Variants in VEZT observed in about 807,000 individuals in gnomAD.
VEZT encodes the protein vezatin.
Under a neutral mutation model 79.9 loss-of-function variants are expected in VEZT, and 39 were observed. The ratio of observed to expected loss-of-function variants is 0.49; its 90% CI spans 0.38 to 0.64. The LOEUF (loss-of-function observed/expected upper bound fraction) is 0.64. VEZT is among the 30% of genes least tolerant of loss of function. The probability of loss-of-function intolerance (pLI) is 0.00; values close to 1 mark genes in which losing one functional copy is unlikely to be tolerated. For missense variants in VEZT, 837 were observed against 893.1 expected (o/e 0.94, Z 0.80); for synonymous variants, 325 against 327.6 (o/e 0.99, Z 0.09).
intron 1 of VEZT, among the ~76,000 whole-genome samples, chr12:95,238,259 T>C (rs2060449545): frequency 6.6e-6 from 1 of 152,202 alleles, no homozygotes; most frequent in South Asian, 2.1e-4. Context: ...CTCAGTTTCC[T>C]CATCTGTAAA....
intron 3 of VEZT, among the ~76,000 whole-genome samples, chr12:95,259,259 G>A (rs1207045732): frequency 2.0e-5 from 3 of 150,010 alleles, no homozygotes; most frequent in Non-Finnish European, 4.4e-5. Flanking sequence ...AAGCTTTCCC[G>A]AAACTTCAGC....
intron 2 of VEZT, among the ~76,000 whole-genome samples, chr12:95,253,492 G>T (rs1459546951): frequency 6.6e-6 from 1 of 152,178 alleles, no homozygotes; most frequent in Non-Finnish European, 1.5e-5. Context: ...CCCCTTTTAA[G>T]AGTGAATGTT....
intron 1 of VEZT, among the ~76,000 whole-genome samples, chr12:95,235,088 T>C (rs1388034022): frequency 1.1e-4 from 17 of 152,058 alleles, no homozygotes; most frequent in Non-Finnish European, 2.2e-4. Flanking sequence ...CCATCCGATT[T>C]CTCAATCTTT....
rs192209766 is a variant in VEZT at position 95,268,551 on chromosome 12, G to C, written c.711-1500G>C. Among the ~76,000 whole-genome samples, 3 of 152,240 alleles carry C rather than the reference G, an allele frequency of 2.0e-5. No homozygotes were observed. In the East Asian group the frequency reaches 5.8e-4, roughly 29 times the overall value. ...TTTATTTTATTGAGAGGACTTACTG[G>C]TTGAACAAAGTGGCTTTGTTCAACT... On this transcript the variant is annotated intron_variant, in intron 5 of 11. Transcript: ENST00000436874.
At chr12:95,287,940 G>T in intron 9 of VEZT, 83 bp downstream of exon 9, 1 of 1,221,758 alleles carries the variant, frequency 8.2e-7, no homozygotes, top group South Asian at 2.1e-5. Flanking sequence ...TAGACTTCTT[G>T]TCTTTATGAT....
intron 3 of VEZT, among the ~76,000 whole-genome samples, chr12:95,261,811 C>A (rs564312806): frequency 1.3e-5 from 2 of 152,294 alleles, no homozygotes; most frequent in African/African-American, 4.8e-5. Flanking sequence ...GATTTGAAAT[C>A]AAAATTCTGG....
chr12:95,222,609 A>C (rs2057792837), intron 1 of VEZT, among the ~76,000 whole-genome samples: 1 of 152,152 alleles, frequency 6.6e-6, no homozygotes, highest in Non-Finnish European at 1.5e-5. Context: ...TTTCTTCAGG[A>C]TTGCCTTTGG....
Position 95,236,416 on chromosome 12 carries a change from A to G in VEZT, c.37-15524A>G, listed in dbSNP as rs190316856. Reference sequence around the variant, plus strand: ...TCGGCATCAGAGGGAGACCGTGGAAAGAGAGGGAGAGGGAGACTGTGGGAA... The same window carrying G: ...TCGGCATCAGAGGGAGACCGTGGAAGGAGAGGGAGAGGGAGACTGTGGGAA... On this transcript the variant is annotated intron_variant, in intron 1 of 11. Transcript: ENST00000436874. Among the ~76,000 whole-genome samples, 42 of 152,242 alleles carry G rather than the reference A, an allele frequency of 2.8e-4. 2 individuals are homozygous for G. Among genetic ancestry groups the G allele is most frequent in the African/African-American group, 9.6e-4 (40 of 41,544 alleles).
intron 1 of VEZT, among the ~76,000 whole-genome samples, chr12:95,244,536 C>T (rs2061468775): frequency 6.6e-6 from 1 of 151,800 alleles, no homozygotes; most frequent in African/African-American, 2.4e-5. Context: ...AAAACAAGTC[C>T]CTACGTTGCA....
intron 9 of VEZT, 137 bp downstream of exon 9, chr12:95,287,994 G>C (rs1363423596): frequency 3.1e-6 from 2 of 643,860 alleles, no homozygotes; most frequent in East Asian, 6.0e-5. Context: ...TTTTAATGTT[G>C]AATTTATATG....
chr12:95,282,028 C>T lies in VEZT; in HGVS notation c.997-285C>T, dbSNP rs556068280. 6.1e-4 allele frequency among the ~76,000 whole-genome samples: 93 copies of T among 151,922 alleles called. 1 individual carries two copies. The highest frequency in any genetic ancestry group is 2.2e-3 in the African/African-American group (90 of 41,442). On this transcript the variant is annotated intron_variant, in intron 7 of 11. Transcript: ENST00000436874. ...TTTTTTTAAATAATGAGTGAAGATT[C>T]ACTTTTACTAAATTATCTCATTCCA...
In VEZT at chr12:95,302,176, C is replaced by T. The variant is rs1426999542; in HGVS notation, c.*1503C>T. ...TTAAATCACTTATTTAGTTTACCGA[C>T]TTCATTTTTCTTTGGATTTAGAAGA... On this transcript the variant is annotated 3_prime_UTR_variant, in exon 12 of 12. Transcript: ENST00000436874. The T allele has an allele frequency of 6.6e-6, 1 of 152,150 alleles. No individual in the cohort carries two copies. The highest frequency in any genetic ancestry group is 2.4e-5 in the African/African-American group (1 of 41,442). 9.4% of individuals were successfully genotyped at this position (152,150 alleles called of 1,614,324 possible). A position where few individuals can be genotyped will look rare whatever the true frequency, so the allele number is the denominator to read the frequency against.
intron 6 of VEZT, among the ~76,000 whole-genome samples, chr12:95,271,201 T>C (rs928772398): frequency 1.1e-4 from 17 of 152,188 alleles, no homozygotes; most frequent in African/African-American, 3.9e-4. Context: ...TATATATATA[T>C]GGAAATTTCA....
chr12:95,282,191 AT>A, intron 7 of VEZT, 121 bp from the exon 8 acceptor site: 1 of 845,578 alleles, frequency 1.2e-6, no homozygotes, highest in Non-Finnish European at 1.8e-6. Flanking sequence ...GTTCGGCTAT[AT>A]TTATTATTTA....
At chr12:95,245,354 A>G (rs1824929574) in intron 1 of VEZT, among the ~76,000 whole-genome samples, 1 of 152,232 alleles carries the variant, frequency 6.6e-6, no homozygotes, top group South Asian at 2.1e-4. Flanking sequence ...AAGGAAGCTG[A>G]AACAGGGAGA....
rs186793890 is a variant in VEZT at position 95,291,526 on chromosome 12, T to C, written c.1523-2746T>C. On this transcript the variant is annotated intron_variant, in intron 9 of 11. Transcript: ENST00000436874. ...TGCCTTGCAGGCCATATGGTGTCTGTTACAACTACTTTACTCTGCTGTTGT... is the reference window on the plus strand; with the variant it reads ...TGCCTTGCAGGCCATATGGTGTCTGCTACAACTACTTTACTCTGCTGTTGT... 5.4e-3 allele frequency among the ~76,000 whole-genome samples: 823 copies of C among 152,332 alleles called. 3 individuals are homozygous for C. The highest frequency in any genetic ancestry group is 0.02 in the Middle Eastern group (6 of 294).
At chr12:95,241,326 C>T (rs79218774) in intron 1 of VEZT, among the ~76,000 whole-genome samples, 17,188 of 152,106 alleles carry the variant, frequency 0.11, 1,270 homozygotes, top group East Asian at 0.16. Context: ...TGTGAGCCAC[C>T]GTGCCTTGCC....
rs1440970736 is a variant in VEZT at position 95,301,327 on chromosome 12, T to C, written c.*654T>C. On this transcript the variant is annotated 3_prime_UTR_variant, in exon 12 of 12. Transcript: ENST00000436874. The stretch of plus-strand genomic sequence containing the variant: ...AAAATATTGTACCATTTTTTAGAAT[T>C]ACACTTTCACCTTTCTTTTTGCAAT... 1 of 152,180 alleles carries C rather than the reference T, an allele frequency of 6.6e-6. No homozygotes were observed. The highest frequency in any genetic ancestry group is 1.5e-5 in the Non-Finnish European group (1 of 68,038). 9.4% of individuals were successfully genotyped at this position (152,180 alleles called of 1,614,324 possible). A position where few individuals can be genotyped will look rare whatever the true frequency, so the allele number is the denominator to read the frequency against.
chr12:95,236,244 A>AACCCCGTCTCC (rs2060160636), intron 1 of VEZT, among the ~76,000 whole-genome samples: 1 of 152,184 alleles, frequency 6.6e-6, no homozygotes, highest in Non-Finnish European at 1.5e-5. Context: ...AACACAGCGA[A>AACCCCGTCTCC]ACCCCGTCTC....
Sources: allele counts gnomAD v4.1 joint callset (sites outside exome capture counted in the v4.1 genomes callset), GRCh38; gene constraint gnomAD v4.1.1; transcripts MANE v1.5; gene names NCBI Gene and HGNC (gene_info 2026-07-23, HGNC 2026-07-21).